The following SLCO4C1 variants were observed in gnomAD, a reference collection of about 807,000 sequenced individuals.
SLCO4C1 encodes the protein organic anion transporter M1.
SLCO4C1 carries 58 observed loss-of-function variants against 72.1 expected under a neutral mutation model. The observed-to-expected ratio is 0.80, with a 90% confidence interval of 0.65 to 1.00. SLCO4C1 has a LOEUF of 1.00. Ranked by LOEUF, SLCO4C1 falls within the 50% of genes least tolerant of loss-of-function variation. The pLI is 0.00. For synonymous variants in SLCO4C1, 297 were observed against 312.5 expected (o/e 0.95, Z 0.52); for missense variants, 898 against 857.9 (o/e 1.05, Z -0.58).
chr5:102,257,354 A>G lies in SLCO4C1; in HGVS notation c.1274-44T>C, dbSNP rs367637807. 101 of 1,394,186 alleles carry G rather than the reference A, an allele frequency of 7.2e-5. No homozygotes were observed. The African/African-American group carries it at 1.3e-3, about 18-fold the overall frequency. 86.4% of individuals were successfully genotyped at this position (1,394,186 alleles called of 1,614,324 possible). ...GTAGATTGTGAGAAACCATACACAT[A>G]TACTCACTCATACTGACAACTGGAA... On this transcript the variant is annotated intron_variant, in intron 7 of 12. Transcript: ENST00000310954.
intron 1 of SLCO4C1, among the ~76,000 whole-genome samples, chr5:102,292,344 G>T (rs1448031085): frequency 1.3e-5 from 2 of 152,222 alleles, no homozygotes; most frequent in East Asian, 3.9e-4. Flanking sequence ...AGGCACAAGA[G>T]ACCCCATAGG....
intron 3 of SLCO4C1, among the ~76,000 whole-genome samples, chr5:102,266,090 T>C (rs1749033422): frequency 6.6e-6 from 1 of 152,182 alleles, no homozygotes; most frequent in Admixed American, 6.5e-5. Context: ...ACTTTCTTGA[T>C]ATATTTTTCA....
chr5:102,239,386 T>A lies in SLCO4C1; in HGVS notation c.1879A>T (p.Thr627Ser), dbSNP rs1009131600. ...IQFMVLRLLG[T>S]IPGPIIFGFT... ...CCAAATATAATTGGTCCAGGAATTG[T>A]CCCTAAAAGAATTATGGGTGAAATA... is the stretch of plus-strand genomic sequence containing the variant. Residue 627 changes from threonine to serine, a missense_variant and splice_region_variant, in exon 12 of 13, where the codon ACA (threonine) becomes TCA (serine). By Grantham distance (58) the Thr-to-Ser change is moderately conservative (BLOSUM62 1). Coordinates refer to ENST00000310954, the MANE Select transcript of SLCO4C1 (RefSeq NM_180991.5). 3.2e-6 allele frequency: 5 copies of A among 1,574,406 alleles called. No homozygotes were observed. The highest frequency in any genetic ancestry group is 3.7e-5 in the Admixed American group (2 of 53,390).
Position 102,264,507 on chromosome 5 carries a change from A to T in SLCO4C1, c.803-727T>A, listed in dbSNP as rs1748998879. Reference sequence around the variant, plus strand: ...CCCCTTTTTTAGTTGACACATAACCATTGTACAGATTTAGAGTGTACATGG... The same window carrying T: ...CCCCTTTTTTAGTTGACACATAACCTTTGTACAGATTTAGAGTGTACATGG... On this transcript the variant is annotated intron_variant, in intron 3 of 12. Coordinates refer to ENST00000310954, the MANE Select transcript of SLCO4C1 (RefSeq NM_180991.5). 2.0e-5 allele frequency among the ~76,000 whole-genome samples: 3 copies of T among 152,114 alleles called. No individual in the cohort carries two copies. In the South Asian group the frequency reaches 6.2e-4, roughly 31 times the overall value.
intron 8 of SLCO4C1, among the ~76,000 whole-genome samples, chr5:102,250,325 C>T (rs576580759): frequency 1.3e-5 from 2 of 152,254 alleles, no homozygotes; most frequent in Admixed American, 1.3e-4. Flanking sequence ...ATAATTTTCC[C>T]AGTCCCCAGG....
chr5:102,239,265 A>G lies in SLCO4C1; in HGVS notation c.2000T>C (p.Met667Thr). ...TCACCACTTACTTATGGCTACTAGCATATGGGCCATCTTGATGTTATCATA... is the reference window on the plus strand; with the variant it reads ...TCACCACTTACTTATGGCTACTAGCGTATGGGCCATCTTGATGTTATCATA... ...WIYDNIKMAH[M>T]LVAISVTCKV... The change falls in exon 12 of 13, where the codon ATG becomes ACG. Residue 667 changes from methionine to threonine, a missense_variant. Met to Thr is a moderately conservative substitution (Grantham distance 81). Transcript: ENST00000310954. 6.3e-7 allele frequency: 1 copy of G among 1,586,734 alleles called. No homozygotes were observed. Among genetic ancestry groups the G allele is most frequent in the Non-Finnish European group, 8.6e-7 (1 of 1,168,092 alleles).
chr5:102,246,256 T>C (rs1315407931), intron 10 of SLCO4C1, among the ~76,000 whole-genome samples: 1 of 151,870 alleles, frequency 6.6e-6, no homozygotes, highest in Non-Finnish European at 1.5e-5. Flanking sequence ...TTGACAAACC[T>C]TTAGCCTGAC....
intron 11 of SLCO4C1, among the ~76,000 whole-genome samples, chr5:102,239,858 T>C (rs1418870692): frequency 1.3e-5 from 2 of 152,062 alleles, no homozygotes; most frequent in Non-Finnish European, 2.9e-5. Context: ...TACAAATATA[T>C]AGTCTTATAA....
At chr5:102,295,263 T>G (rs1216504755) in intron 1 of SLCO4C1, among the ~76,000 whole-genome samples, 1 of 152,154 alleles carries the variant, frequency 6.6e-6, no homozygotes, top group Non-Finnish European at 1.5e-5. Context: ...AAAGAGATCC[T>G]AGAACAAAAC....
At chr5:102,275,464 A>T (rs140683743) in intron 2 of SLCO4C1, among the ~76,000 whole-genome samples, 6 of 152,344 alleles carry the variant, frequency 3.9e-5, no homozygotes, top group African/African-American at 1.4e-4. Context: ...ACTATACTGT[A>T]AAAGTATGTA....
intron 12 of SLCO4C1, among the ~76,000 whole-genome samples, chr5:102,237,747 C>T (rs891785676): frequency 2.6e-5 from 4 of 152,158 alleles, no homozygotes; most frequent in African/African-American, 9.7e-5. Context: ...CCTTCCAGGA[C>T]AGAAAATAAT....
intron 2 of SLCO4C1, 56 bp downstream of exon 2, chr5:102,291,287 C>G: frequency 6.5e-7 from 1 of 1,549,062 alleles, no homozygotes; most frequent in Non-Finnish European, 8.8e-7. Context: ...AAGTTAATGA[C>G]CTAGTTTTAT....
At chr5:102,272,991 A>G (rs1230978389) in intron 2 of SLCO4C1, among the ~76,000 whole-genome samples, 3 of 101,040 alleles carry the variant, frequency 3.0e-5, no homozygotes, top group African/African-American at 1.4e-4. Flanking sequence ...ATAGAGAAAG[A>G]AAAGAAAAAA....
intron 2 of SLCO4C1, among the ~76,000 whole-genome samples, chr5:102,288,924 T>A (rs980314087): frequency 3.9e-5 from 6 of 152,220 alleles, no homozygotes; most frequent in Non-Finnish European, 7.3e-5. Context: ...GCATATTTCT[T>A]CCCACTAGTA....
chr5:102,263,879 C>T, intron 3 of SLCO4C1, 99 bp from the exon 4 acceptor site: 5 of 824,512 alleles, frequency 6.1e-6, no homozygotes, highest in South Asian at 1.8e-5. Context: ...AAAATCTAAA[C>T]AATTAAACAT....
intron 5 of SLCO4C1, 152 bp downstream of exon 5, chr5:102,261,760 G>T (rs1748948105): frequency 3.0e-6 from 2 of 677,522 alleles, no homozygotes; most frequent in Non-Finnish European, 4.4e-6. Context: ...ATATTTTCTA[G>T]AATGAAGAAT....
At position 102,257,206 on chromosome 5, in the gene SLCO4C1, T is replaced by C. The variant is rs776409844; in HGVS notation, c.1378A>G (p.Thr460Ala). ...CTCAGCGTAAGTGCAACTCCAGATG[T>C]GAACAGTGCAAACTTCATTGTGTTT... Reference protein sequence around the residue: ...CKNTMKFALFTSGVALTLSFV... With the variant: ...CKNTMKFALFASGVALTLSFV... Residue 460 changes from threonine to alanine, a missense_variant, in exon 8 of 13, where the codon ACA becomes GCA. Physicochemically the swap from Thr to Ala is moderately conservative, Grantham distance 58. Coordinates refer to ENST00000310954, the MANE Select transcript of SLCO4C1 (RefSeq NM_180991.5). 2 of 1,611,080 alleles carry C rather than the reference T, an allele frequency of 1.2e-6. No individual in the cohort carries two copies. Among genetic ancestry groups the C allele is most frequent in the East Asian group, 4.5e-5 (2 of 44,646 alleles).
At chr5:102,292,704 A>G (rs1409375992) in intron 1 of SLCO4C1, among the ~76,000 whole-genome samples, 1 of 152,162 alleles carries the variant, frequency 6.6e-6, no homozygotes, top group Admixed American at 6.5e-5. Flanking sequence ...TAAGACTGAA[A>G]ATCTGAAAAT....
At chr5:102,288,522 C>T (rs914817187) in intron 2 of SLCO4C1, among the ~76,000 whole-genome samples, 19 of 152,180 alleles carry the variant, frequency 1.2e-4, no homozygotes, top group African/African-American at 4.6e-4. Flanking sequence ...GTGATTGGCT[C>T]CCATTTACTC....
Sources: gnomAD v4.1 joint callset for allele counts (sites outside exome capture counted in the v4.1 genomes callset) on GRCh38, gnomAD v4.1.1 for gene constraint, MANE v1.5 for transcripts, NCBI Gene and HGNC (gene_info 2026-07-23, HGNC 2026-07-21) for gene names.